GRIN3A: variants seen among roughly 807,000 people sequenced by gnomAD.
GRIN3A encodes the protein glutamate ionotropic receptor NMDA type subunit 3A, also known as glutamate receptor ionotropic, NMDA 3A.
A neutral mutation model predicts 92.4 loss-of-function variants in GRIN3A; 47 were observed. The observed-to-expected ratio is 0.51, with a 90% CI of 0.40 to 0.65. The LOEUF is 0.65. GRIN3A is among the 30% of genes least tolerant of loss of function. The probability of loss-of-function intolerance (pLI) is 0.00; values close to 1 mark genes in which losing one functional copy is unlikely to be tolerated. For synonymous variants in GRIN3A, 527 were observed against 540.6 expected, an observed-to-expected ratio of 0.97 and a Z score of 0.35; for missense variants, 1,324 against 1,393.1, an observed-to-expected ratio of 0.95 and a Z score of 0.79.
rs1828912587 is a variant in GRIN3A, at chr9:101,644,619, A to G, written c.2353-16218T>C. ...AGTTCTACTTCATAAAAATTCTTCA[A>G]AATCATACTCATTTATTTAATCCGA... On this transcript the variant is annotated intron_variant, in intron 3 of 8. Coordinates refer to ENST00000361820, the MANE Select transcript of GRIN3A (RefSeq NM_133445.3). Among the ~76,000 whole-genome samples, 5 of 151,976 alleles carry G rather than the reference A, an allele frequency of 3.3e-5. No individual in the cohort carries two copies. The South Asian group carries it at 1.0e-3, about 31-fold the overall frequency.
At chr9:101,585,773 T>G (rs1243252659) in intron 6 of GRIN3A, among the ~76,000 whole-genome samples, 2 of 152,168 alleles carry the variant, frequency 1.3e-5, no homozygotes, top group Non-Finnish European at 2.9e-5. Flanking sequence ...CTCCTAGTTG[T>G]TTTCCCTAAC....
intron 3 of GRIN3A, among the ~76,000 whole-genome samples, chr9:101,669,350 C>T (rs1829285199): frequency 6.6e-6 from 1 of 152,090 alleles, no homozygotes; most frequent in Admixed American, 6.6e-5. Flanking sequence ...TACCTGCACT[C>T]TACACTTCCT....
At chr9:101,709,729 C>G (rs1358320707) in intron 1 of GRIN3A, among the ~76,000 whole-genome samples, 1 of 152,130 alleles carries the variant, frequency 6.6e-6, no homozygotes, top group African/African-American at 2.4e-5. Flanking sequence ...AATTACTTTG[C>G]AAATTGTAAA....
At chr9:101,733,321 C>T (rs376114996) in intron 1 of GRIN3A, among the ~76,000 whole-genome samples, 40 of 152,238 alleles carry the variant, frequency 2.6e-4, no homozygotes, top group African/African-American at 8.2e-4. Context: ...TCTAGAAAAG[C>T]GAATACATAT....
At chr9:101,709,429 G>A (rs1466751178) in intron 1 of GRIN3A, among the ~76,000 whole-genome samples, 1 of 152,172 alleles carries the variant, frequency 6.6e-6, no homozygotes, top group Non-Finnish European at 1.5e-5. Flanking sequence ...GTTTTGTGGA[G>A]GCAGCAGAGC....
rs747983123 is a variant in GRIN3A at position 101,686,578 on chromosome 9, C to T, written c.1304+18G>A. 88 of 1,613,896 alleles carry T rather than the reference C, an allele frequency of 5.5e-5. No individual in the cohort carries two copies. The Admixed American group carries it at 5.8e-4, about 11-fold the overall frequency. Reference sequence around the variant, plus strand: ...ATGGCCCTATGAATGGGGATATAACCGAGACCTTGCATCCTACCTTGATAA... The same window carrying T: ...ATGGCCCTATGAATGGGGATATAACTGAGACCTTGCATCCTACCTTGATAA... On this transcript the variant is annotated intron_variant, in intron 2 of 8. Coordinates refer to ENST00000361820, the MANE Select transcript of GRIN3A (RefSeq NM_133445.3).
At chr9:101,579,929 T>C (rs957648685) in intron 6 of GRIN3A, among the ~76,000 whole-genome samples, 1 of 152,144 alleles carries the variant, frequency 6.6e-6, no homozygotes, top group Non-Finnish European at 1.5e-5. Context: ...AATCTCCAGA[T>C]GGTTTTGGCC....
rs1473569215 is a variant in GRIN3A at position 101,573,533 on chromosome 9, T to G, written c.3009-20A>C. On this transcript the variant is annotated intron_variant, in intron 8 of 8. Coordinates refer to ENST00000361820, the MANE Select transcript of GRIN3A (RefSeq NM_133445.3). The stretch of plus-strand genomic sequence containing the variant: ...TTAGACCTAGGAAACAGAGAAATTT[T>G]AGATTTACTTTCCATTCTGCAGCTC... The G allele has an allele frequency of 1.3e-6, 2 of 1,585,056 alleles. No individual in the cohort carries two copies. Among genetic ancestry groups the G allele is most frequent in the Non-Finnish European group, 1.7e-6 (2 of 1,153,920 alleles).
intron 1 of GRIN3A, among the ~76,000 whole-genome samples, chr9:101,721,170 T>G (rs1319132446): frequency 3.3e-5 from 5 of 152,184 alleles, no homozygotes; most frequent in Non-Finnish European, 7.4e-5. Flanking sequence ...GGGAGGTAAT[T>G]GAATCATGGG....
intron 2 of GRIN3A, among the ~76,000 whole-genome samples, chr9:101,676,727 GA>G (rs1339296598): frequency 6.6e-6 from 1 of 151,884 alleles, no homozygotes; most frequent in East Asian, 1.9e-4. Flanking sequence ...CCTATACATG[GA>G]ATTTAAATAT....
At chr9:101,713,043 T>G (rs900318910) in intron 1 of GRIN3A, among the ~76,000 whole-genome samples, 1 of 152,196 alleles carries the variant, frequency 6.6e-6, no homozygotes, top group Non-Finnish European at 1.5e-5. Context: ...CCAGGTAATC[T>G]GGGTCTTCTG....
chr9:101,668,820 A>G (rs760718357), intron 3 of GRIN3A, among the ~76,000 whole-genome samples: 7 of 152,164 alleles, frequency 4.6e-5, no homozygotes, highest in Non-Finnish European at 1.0e-4. Flanking sequence ...ACCATCTATG[A>G]AAAATCTTTA....
At chr9:101,671,171 T>C in intron 2 of GRIN3A, 64 bp from the exon 3 acceptor site, 2 of 1,092,332 alleles carry the variant, frequency 1.8e-6, no homozygotes, top group Non-Finnish European at 2.8e-6. Context: ...GGAAGCAGTG[T>C]TCAGCTTTGC....
intron 6 of GRIN3A, chr9:101,602,848 A>G (rs538946348): frequency 2.0e-5 from 3 of 148,164 alleles, no homozygotes; most frequent in Admixed American, 1.4e-4. Context: ...TTGTGATGAT[A>G]CGGAGGGAGG....
At chr9:101,730,439 T>C (rs1231941474) in intron 1 of GRIN3A, among the ~76,000 whole-genome samples, 1 of 152,170 alleles carries the variant, frequency 6.6e-6, no homozygotes, top group African/African-American at 2.4e-5. Context: ...TCTAGGTACA[T>C]ATGGTGCAGT....
chr9:101,737,391 G>A lies in GRIN3A; in HGVS notation c.589C>T (p.Leu197Phe). The A allele has an allele frequency of 2.5e-6, 4 of 1,614,252 alleles. No homozygotes were observed. Among genetic ancestry groups the A allele is most frequent in the Non-Finnish European group, 3.4e-6 (4 of 1,180,048 alleles). ...TCGCCCTGGCTCTGGGGGAAGGCGA[G>A]CAGCGCCGACACCCCTTGCACCACC... ...TVVVQGVSAL[L>F]AFPQSQGEMM... The change falls in exon 1 of 9, where the codon CTC (leucine) becomes TTC (phenylalanine). Residue 197 changes from leucine (L) to phenylalanine (F), a missense_variant. Physicochemically the swap from Leu to Phe is conservative, Grantham distance 22. Transcript: ENST00000361820.
At chr9:101,609,516 T>C (rs1228882155) in intron 6 of GRIN3A, among the ~76,000 whole-genome samples, 1 of 152,212 alleles carries the variant, frequency 6.6e-6, no homozygotes, top group African/African-American at 2.4e-5. Context: ...CAGAAATGTA[T>C]GGCTTCAAAT....
At chr9:101,628,953 T>C (rs1192884297) in intron 3 of GRIN3A, among the ~76,000 whole-genome samples, 1 of 149,510 alleles carries the variant, frequency 6.7e-6, no homozygotes, top group African/African-American at 2.6e-5. Context: ...ATACAGAGTA[T>C]TTTTTTTAAT....
intron 1 of GRIN3A, among the ~76,000 whole-genome samples, chr9:101,711,345 T>C (rs1829875199): frequency 6.6e-6 from 1 of 152,200 alleles, no homozygotes; most frequent in Admixed American, 6.5e-5. Flanking sequence ...CACATCCCGA[T>C]AGGTCAGGGT....
Sources: allele counts gnomAD v4.1 joint callset (sites outside exome capture counted in the v4.1 genomes callset), GRCh38; gene constraint gnomAD v4.1.1; transcripts MANE v1.5; gene names NCBI Gene and HGNC (gene_info 2026-07-23, HGNC 2026-07-21).